The following XCR1 variants were observed in gnomAD, a reference collection of about 807,000 sequenced individuals.
XCR1 encodes X-C motif chemokine receptor 1.
For synonymous variants in XCR1, 187 were observed against 188.5 expected, an observed-to-expected ratio of 0.99 and a Z score of 0.06; for missense variants, 356 against 424.2, an observed-to-expected ratio of 0.84 and a Z score of 1.41.
chr3:46,078,841 G>GCAGAGTTTGCAGAGTCTCTGCAGACTTTT (rs1698306824), intron 1 of XCR1, among the ~76,000 whole-genome samples: 1 of 152,198 alleles, frequency 6.6e-6, no homozygotes, highest in Non-Finnish European at 1.5e-5. Context: ...TGCAGACTTT[G>GCAGAGTTTGCAGAGTCTCTGCAGACTTTT]CAGAGGTGTC....
At chr3:46,045,471 C>A (rs903907513) in intron 5 of XCR1, among the ~76,000 whole-genome samples, 1 of 151,620 alleles carries the variant, frequency 6.6e-6, no homozygotes, top group African/African-American at 2.4e-5. Flanking sequence ...ATTTGAAAAT[C>A]AATTAATGTA....
intron 4 of XCR1, among the ~76,000 whole-genome samples, chr3:46,055,438 A>C (rs982945473): frequency 3.3e-5 from 5 of 152,180 alleles, no homozygotes; most frequent in African/African-American, 1.2e-4. Flanking sequence ...AGACGAATGG[A>C]TCATAATGAA....
intron 4 of XCR1, among the ~76,000 whole-genome samples, chr3:46,064,759 G>A (rs1350208217): frequency 6.6e-6 from 1 of 152,178 alleles, no homozygotes; most frequent in Non-Finnish European, 1.5e-5. Flanking sequence ...GTATCCACCA[G>A]CTCAACAGCA....
rs374591635 is a variant in XCR1 at position 46,044,054 on chromosome 3, G to C, written c.-32+9866C>G. 1.1e-4 allele frequency among the ~76,000 whole-genome samples: 16 copies of C among 152,172 alleles called. No individual in the cohort carries two copies. The East Asian group carries it at 2.5e-3, about 24-fold the overall frequency. ...TCTGTCACCCAGGCTAGAGTGCAGTGGTGCAATCTCAGCTCACTGCAAACT... is the reference window on the plus strand; with the variant it reads ...TCTGTCACCCAGGCTAGAGTGCAGTCGTGCAATCTCAGCTCACTGCAAACT... On this transcript the variant is annotated intron_variant, in intron 5 of 5. Coordinates refer to the XCR1 transcript ENST00000683768.
chr3:46,027,093 T>G (rs1333071203), intron 1 of XCR1, among the ~76,000 whole-genome samples: 2 of 151,840 alleles, frequency 1.3e-5, no homozygotes, highest in Admixed American at 6.6e-5. Flanking sequence ...TCATGTTAGG[T>G]AAGGAACTCC....
At chr3:46,069,687 AAAT>A (rs1394132992) in intron 3 of XCR1, among the ~76,000 whole-genome samples, 1 of 152,160 alleles carries the variant, frequency 6.6e-6, no homozygotes, top group Non-Finnish European at 1.5e-5. Context: ...AATATTAAGA[AAAT>A]AACCTCTCTT....
At chr3:46,057,991 A>G (rs1156534169) in intron 4 of XCR1, among the ~76,000 whole-genome samples, 5 of 151,880 alleles carry the variant, frequency 3.3e-5, no homozygotes, top group Admixed American at 6.6e-5. Flanking sequence ...TCGATCATCT[A>G]TCTTGCTACC....
intron 3 of XCR1, among the ~76,000 whole-genome samples, chr3:46,070,216 T>C (rs181118688): frequency 3.2e-4 from 49 of 152,268 alleles, no homozygotes; most frequent in Admixed American, 9.8e-4. Context: ...TGATCTATCT[T>C]GGAGAATGTT....
chr3:46,041,745 G>C (rs1269640344), intron 5 of XCR1, among the ~76,000 whole-genome samples: 1 of 152,124 alleles, frequency 6.6e-6, no homozygotes, highest in East Asian at 1.9e-4. Context: ...AGGATCCCCT[G>C]GTCTCCCAAA....
chr3:46,068,349 G>C (rs192322216), intron 3 of XCR1, among the ~76,000 whole-genome samples: 1 of 152,090 alleles, frequency 6.6e-6, no homozygotes, highest in Non-Finnish European at 1.5e-5. Context: ...GCAGCTGCTG[G>C]CATCTAGTAA....
In XCR1 at chr3:46,020,757, G is replaced by T; in HGVS notation, c.*189C>A. 1 of 765,992 alleles carries T rather than the reference G, an allele frequency of 1.3e-6. No individual in the cohort carries two copies. Among genetic ancestry groups the T allele is most frequent in the Non-Finnish European group, 2.0e-6 (1 of 499,648 alleles). 47.4% of individuals were successfully genotyped at this position (765,992 alleles called of 1,614,324 possible). ...GCAGTATAAAATTCCCAGGTAGGAA[G>T]CCACTTTCCCGCAGATGAGAGGCTG... is the stretch of plus-strand genomic sequence containing the variant. On this transcript the variant is annotated 3_prime_UTR_variant, in exon 2 of 2. Transcript: ENST00000309285.
chr3:46,026,388 G>C (rs1039399613), intron 1 of XCR1, among the ~76,000 whole-genome samples: 2 of 152,080 alleles, frequency 1.3e-5, no homozygotes, highest in Non-Finnish European at 2.9e-5. Flanking sequence ...CTAAGGGAGT[G>C]AATTTAGCTT....
chr3:46,067,852 C>G (rs1487634089), intron 3 of XCR1, among the ~76,000 whole-genome samples: 1 of 151,996 alleles, frequency 6.6e-6, no homozygotes, highest in East Asian at 1.9e-4. Context: ...ACTCAGGAGG[C>G]AGAAAATCTC....
intron 5 of XCR1, among the ~76,000 whole-genome samples, chr3:46,037,000 C>A (rs189628677): frequency 1.4e-3 from 214 of 152,218 alleles, no homozygotes; most frequent in East Asian, 4.4e-3. Context: ...ATTTTCAATG[C>A]TTATTGGATG....
chr3:46,072,296 A>T (rs1455153231), intron 3 of XCR1, among the ~76,000 whole-genome samples: 1 of 152,188 alleles, frequency 6.6e-6, no homozygotes, highest in Non-Finnish European at 1.5e-5. Flanking sequence ...AGGTGGGCAG[A>T]TCGCTTGAGC....
At chr3:46,036,602 G>A (rs1697434632) in intron 5 of XCR1, among the ~76,000 whole-genome samples, 1 of 152,128 alleles carries the variant, frequency 6.6e-6, no homozygotes, top group African/African-American at 2.4e-5. Context: ...AAATAGGAAT[G>A]TCTTAAGAAT....
chr3:46,020,990 G>C lies in XCR1; in HGVS notation c.958C>G (p.His320Asp), dbSNP rs1452206895. ...LQAPSPASIP[H>D]SPGAFAYEGA... Reference sequence around the variant, plus strand: ...TCATAGGCGAAGGCACCAGGGGAGTGGGGGATCGAGGCTGGGCTGGGTGCC... The same window carrying C: ...TCATAGGCGAAGGCACCAGGGGAGTCGGGGATCGAGGCTGGGCTGGGTGCC... Residue 320 changes from histidine to aspartate, a missense_variant, in exon 2 of 2, where the codon CAC becomes GAC. Transcript: ENST00000309285. 7 of 1,612,536 alleles carry C rather than the reference G, an allele frequency of 4.3e-6. No homozygotes were observed. In the South Asian group the frequency reaches 5.5e-5, roughly 13 times the overall value.
chr3:46,058,924 C>T (rs1697908703), intron 4 of XCR1, among the ~76,000 whole-genome samples: 1 of 152,022 alleles, frequency 6.6e-6, no homozygotes, highest in African/African-American at 2.4e-5. Context: ...TCTTCAAAAT[C>T]AGAGTGGGGA....
Position 46,021,930 on chromosome 3 carries a change from G to A in XCR1, c.18C>T (p.Asn6=), listed in dbSNP as rs745994520. The change falls in exon 2 of 2, where the codon AAC becomes AAT. Residue 6 remains asparagine, a synonymous_variant. Transcript: ENST00000309285. The surrounding 1 kb of genome is among the most constrained non-coding windows in gnomAD (Gnocchi z 4.7). MESSG[N]PESTTFFYYD... is the part of the protein sequence containing the mutation. ...AGTAAAAAAAGGTGGTGCTCTCTGG[G>A]TTGCCTGAGGACTCCATCTGGACCA... 6 of 1,612,192 alleles carry A rather than the reference G, an allele frequency of 3.7e-6. No homozygotes were observed. In the South Asian group the frequency reaches 6.6e-5, roughly 18 times the overall value.
Sources: allele counts gnomAD v4.1 joint callset (sites outside exome capture counted in the v4.1 genomes callset), GRCh38; gene constraint gnomAD v4.1.1; non-coding constraint Gnocchi (gnomAD v3.1); transcripts MANE v1.5; gene names NCBI Gene and HGNC (gene_info 2026-07-23, HGNC 2026-07-21).